PPP1R9A: variants seen among roughly 807,000 people sequenced by gnomAD.
PPP1R9A encodes protein phosphatase 1 regulatory subunit 9A, also known as neurabin-1.
PPP1R9A carries 59 observed loss-of-function variants against 141.9 expected under a neutral mutation model. The observed-to-expected ratio is 0.42, with a 90% CI of 0.34 to 0.52. The LOEUF (loss-of-function observed/expected upper bound fraction) is 0.52, where lower values mean the gene tolerates loss of function less well. Ranked by LOEUF, PPP1R9A falls within the 20% of genes least tolerant of loss-of-function variation. The pLI, the probability that PPP1R9A is intolerant of heterozygous loss-of-function variation, is 0.10. For synonymous variants in PPP1R9A, 500 were observed against 569.7 expected (o/e 0.88, Z 1.74); for missense variants, 1,444 against 1,611.9 (o/e 0.90, Z 1.78).
intron 2 of PPP1R9A, among the ~76,000 whole-genome samples, chr7:95,044,763 G>T (rs984385438): frequency 2.3e-4 from 35 of 149,464 alleles, no homozygotes; most frequent in Non-Finnish European, 4.1e-4. Context: ...AGAGATGGAG[G>T]TGTCTCACTG....
chr7:94,934,685 A>G (rs907612039), intron 2 of PPP1R9A, among the ~76,000 whole-genome samples: 1 of 151,958 alleles, frequency 6.6e-6, no homozygotes, highest in Admixed American at 6.6e-5. Context: ...AAATATATAC[A>G]TGTTTCTGGA....
intron 5 of PPP1R9A, among the ~76,000 whole-genome samples, chr7:95,171,790 A>G (rs958262861): frequency 6.6e-6 from 1 of 151,656 alleles, no homozygotes; most frequent in Non-Finnish European, 1.5e-5. Context: ...AACATAGAAG[A>G]TGGTATACTT....
intron 7 of PPP1R9A, chr7:95,214,363 G>A (rs949513487): frequency 6.6e-6 from 1 of 152,176 alleles, no homozygotes; most frequent in Non-Finnish European, 1.5e-5. Flanking sequence ...TCCCTCATGT[G>A]ACCTGGCAGG....
At chr7:95,071,542 C>T (rs546407401) in intron 2 of PPP1R9A, among the ~76,000 whole-genome samples, 4 of 151,694 alleles carry the variant, frequency 2.6e-5, no homozygotes, top group Non-Finnish European at 5.9e-5. Flanking sequence ...ATGTGAAAAG[C>T]TTAGCTCAAC....
At chr7:95,037,765 A>G (rs1808650950) in intron 2 of PPP1R9A, among the ~76,000 whole-genome samples, 1 of 152,110 alleles carries the variant, frequency 6.6e-6, no homozygotes, top group Non-Finnish European at 1.5e-5. Flanking sequence ...TAAAAATTAG[A>G]TATTGAGTCT....
intron 2 of PPP1R9A, among the ~76,000 whole-genome samples, chr7:95,016,610 G>T (rs1428297959): frequency 6.6e-6 from 1 of 152,056 alleles, no homozygotes; most frequent in Non-Finnish European, 1.5e-5. Context: ...TATTATTTTG[G>T]TAGATGCATT....
chr7:95,031,269 T>G (rs1316292779), intron 2 of PPP1R9A, among the ~76,000 whole-genome samples: 1 of 152,178 alleles, frequency 6.6e-6, no homozygotes, highest in Non-Finnish European at 1.5e-5. Context: ...AATGTATAAC[T>G]TAGATGTAAC....
intron 5 of PPP1R9A, among the ~76,000 whole-genome samples, chr7:95,192,579 A>G (rs1835665618): frequency 6.6e-6 from 1 of 152,014 alleles, no homozygotes; most frequent in Non-Finnish European, 1.5e-5. Flanking sequence ...AGCACCAGAT[A>G]CTTAGTTTTT....
intron 7 of PPP1R9A, among the ~76,000 whole-genome samples, chr7:95,220,687 A>G (rs935768664): frequency 1.3e-5 from 2 of 152,124 alleles, no homozygotes; most frequent in African/African-American, 4.8e-5. Flanking sequence ...GATAAATTGT[A>G]CCTGGCACTC....
intron 2 of PPP1R9A, among the ~76,000 whole-genome samples, chr7:94,940,074 A>T (rs1795175307): frequency 6.6e-6 from 1 of 152,106 alleles, no homozygotes. Context: ...CTGATTTAGC[A>T]GTATTTCTAT....
chr7:95,256,861 T>A (rs1359322172), intron 12 of PPP1R9A, among the ~76,000 whole-genome samples: 2 of 152,148 alleles, frequency 1.3e-5, no homozygotes, highest in East Asian at 3.9e-4. Flanking sequence ...TAGCAAAAAC[T>A]ATGTATAAGG....
At chr7:95,211,505 A>G (rs1319792068) in intron 7 of PPP1R9A, among the ~76,000 whole-genome samples, 2 of 152,158 alleles carry the variant, frequency 1.3e-5, no homozygotes, top group Non-Finnish European at 2.9e-5. Context: ...TTTCAATCTC[A>G]GCACTAGTTA....
At chr7:95,127,565 C>T (rs992372527) in intron 4 of PPP1R9A, among the ~76,000 whole-genome samples, 1 of 149,182 alleles carries the variant, frequency 6.7e-6, no homozygotes, top group African/African-American at 2.5e-5. Context: ...CTTTTGTTAA[C>T]TGGGTATATT....
intron 18 of PPP1R9A, chr7:95,286,984 C>T (rs1805469215): frequency 6.2e-6 from 6 of 968,050 alleles, no homozygotes; most frequent in Non-Finnish European, 5.9e-6. Context: ...TTCTTGTAAG[C>T]TTTTCTGCCC....
intron 5 of PPP1R9A, among the ~76,000 whole-genome samples, chr7:95,172,377 CA>C (rs1414611895): frequency 1.3e-5 from 2 of 151,564 alleles, no homozygotes; most frequent in African/African-American, 4.8e-5. Context: ...AAAGTATCTA[CA>C]AAAGATGCTA....
intron 2 of PPP1R9A, among the ~76,000 whole-genome samples, chr7:95,028,072 A>G (rs1247363569): frequency 1.3e-5 from 2 of 152,194 alleles, no homozygotes; most frequent in East Asian, 3.9e-4. Context: ...TTTCTCAACC[A>G]TAAATTTAGG....
chr7:95,147,045 A>G (rs930545652), intron 4 of PPP1R9A, among the ~76,000 whole-genome samples: 3 of 152,200 alleles, frequency 2.0e-5, no homozygotes, highest in African/African-American at 7.2e-5. Context: ...AGTCAATGGT[A>G]GCTTGATGGG....
chr7:95,096,549 C>T lies in PPP1R9A; in HGVS notation c.1396-14710C>T, dbSNP rs150170794. 4.0e-3 allele frequency among the ~76,000 whole-genome samples: 614 copies of T among 152,240 alleles called. 4 individuals carry two copies. The highest frequency in any genetic ancestry group is 0.014 in the African/African-American group (580 of 41,550). ...TAGAGGTTTCCTAGAGCTTCTGGCT[C>T]CTCTCTTTCTTTTTAGTGCTGGTTC... On this transcript the variant is annotated intron_variant, in intron 2 of 19. Coordinates refer to ENST00000433360, the MANE Select transcript of PPP1R9A (RefSeq NM_001166160.2).
At chr7:95,052,869 A>C (rs1268623389) in intron 2 of PPP1R9A, among the ~76,000 whole-genome samples, 1 of 152,126 alleles carries the variant, frequency 6.6e-6, no homozygotes, top group Non-Finnish European at 1.5e-5. Context: ...CATCAATTCT[A>C]AGTCTGCAAT....
Sources: gnomAD v4.1 joint callset for allele counts (sites outside exome capture counted in the v4.1 genomes callset) on GRCh38, gnomAD v4.1.1 for gene constraint, MANE v1.5 for transcripts, NCBI Gene and HGNC (gene_info 2026-07-23, HGNC 2026-07-21) for gene names.